FHIT: variants seen among roughly 807,000 people sequenced by gnomAD.
The protein encoded by FHIT is fragile histidine triad diadenosine triphosphatase.
In FHIT, 19 loss-of-function variants were observed where a neutral mutation model predicts 17.9. That is an observed-to-expected ratio of 1.06 (90% CI 0.74 to 1.56). The LOEUF (loss-of-function observed/expected upper bound fraction) is 1.56, where lower values mean the gene tolerates loss of function less well. Ranked by LOEUF, FHIT falls within the 40% of genes most tolerant of loss-of-function variation. The probability of loss-of-function intolerance (pLI) is 0.00; values close to 1 mark genes in which losing one functional copy is unlikely to be tolerated. For synonymous variants in FHIT, 81 were observed against 69.7 expected, an observed-to-expected ratio of 1.16 and a Z score of -0.81; for missense variants, 248 against 189.2, an observed-to-expected ratio of 1.31 and a Z score of -1.82.
At chr3:61,065,251 T>G (rs1410038175) in intron 2 of FHIT, among the ~76,000 whole-genome samples, 5 of 143,014 alleles carry the variant, frequency 3.5e-5, no homozygotes, top group African/African-American at 1.3e-4. Flanking sequence ...GGGGCTTCTA[T>G]CTCACGAGTC....
At chr3:60,362,361 T>A (rs112052066) in intron 5 of FHIT, among the ~76,000 whole-genome samples, 3,273 of 152,330 alleles carry the variant, frequency 0.021, 97 homozygotes, top group African/African-American at 0.069. Flanking sequence ...AGCTAAAAGC[T>A]TATCAAACAT....
intron 5 of FHIT, among the ~76,000 whole-genome samples, chr3:60,529,403 T>C (rs2035689114): frequency 6.6e-6 from 1 of 152,304 alleles, no homozygotes; most frequent in South Asian, 2.1e-4. Context: ...AGTTTTGATA[T>C]GTGCATGAAA....
chr3:60,253,581 G>C (rs546383832), intron 5 of FHIT, among the ~76,000 whole-genome samples: 1 of 152,248 alleles, frequency 6.6e-6, no homozygotes, highest in East Asian at 1.9e-4. Context: ...TTTCTCATTT[G>C]TATTCTCCTA....
chr3:60,648,634 T>C (rs1446790417), intron 4 of FHIT, among the ~76,000 whole-genome samples: 2 of 152,222 alleles, frequency 1.3e-5, no homozygotes, highest in African/African-American at 4.8e-5. Context: ...CACCTGTTAC[T>C]TGATGAAGCA....
intron 8 of FHIT, among the ~76,000 whole-genome samples, chr3:59,844,348 A>T (rs1408943539): frequency 6.6e-6 from 1 of 152,098 alleles, no homozygotes; most frequent in Non-Finnish European, 1.5e-5. Context: ...AAGTGGTGAA[A>T]ATGGGCATAC....
chr3:60,596,861 T>C (rs909654725), intron 4 of FHIT, among the ~76,000 whole-genome samples: 1 of 152,162 alleles, frequency 6.6e-6, no homozygotes, highest in Non-Finnish European at 1.5e-5. Flanking sequence ...ATGAACCTAA[T>C]AATGTGAAGA....
rs1017570967 is a variant in FHIT, at chr3:59,952,074, T to C, written c.280-29660A>G. Among the ~76,000 whole-genome samples, 5 of 152,162 alleles carry C rather than the reference T, an allele frequency of 3.3e-5. No individual in the cohort carries two copies. The East Asian group carries it at 9.6e-4, about 29-fold the overall frequency. On this transcript the variant is annotated intron_variant, in intron 7 of 9. Transcript: ENST00000492590. ...GCACCTAAAGGGGTACTGAGAATGG[T>C]CCCTCCCACAGCTTTGACTGAAAGT...
intron 7 of FHIT, among the ~76,000 whole-genome samples, chr3:59,925,306 A>G (rs1042620060): frequency 3.3e-5 from 5 of 151,990 alleles, no homozygotes; most frequent in Non-Finnish European, 5.9e-5. Context: ...AGTTCTCACT[A>G]TGTTGCCCAG....
chr3:60,162,338 G>A (rs1264130845), intron 5 of FHIT, among the ~76,000 whole-genome samples: 1 of 152,078 alleles, frequency 6.6e-6, no homozygotes, highest in Admixed American at 6.6e-5. Flanking sequence ...GCCTATTTAA[G>A]TCCTTTATTA....
intron 5 of FHIT, among the ~76,000 whole-genome samples, chr3:60,213,832 A>C (rs1411910131): frequency 2.0e-5 from 3 of 152,224 alleles, no homozygotes; most frequent in African/African-American, 7.2e-5. Flanking sequence ...CAGGAGCATA[A>C]GAGGAACAAG....
intron 5 of FHIT, among the ~76,000 whole-genome samples, chr3:60,199,170 T>G (rs1034876198): frequency 6.6e-6 from 1 of 152,156 alleles, no homozygotes; most frequent in Admixed American, 6.6e-5. Context: ...GGACAAAAGT[T>G]GGTCTTTTAT....
At chr3:61,191,913 C>T (rs1056817377) in intron 2 of FHIT, among the ~76,000 whole-genome samples, 2 of 152,100 alleles carry the variant, frequency 1.3e-5, no homozygotes, top group African/African-American at 2.4e-5. Flanking sequence ...CCCCATTCCG[C>T]GTGCCAGTGT....
chr3:61,001,325 C>T (rs576325280), intron 3 of FHIT, among the ~76,000 whole-genome samples: 4 of 152,078 alleles, frequency 2.6e-5, no homozygotes, highest in South Asian at 2.1e-4. Flanking sequence ...CACAGAGAAA[C>T]GAAAACTCAT....
chr3:60,087,675 T>G (rs144388484), intron 5 of FHIT, among the ~76,000 whole-genome samples: 249 of 152,290 alleles, frequency 1.6e-3, no homozygotes, highest in African/African-American at 5.4e-3. Context: ...GCAGCCAAGT[T>G]ATTTGCTACT....
At chr3:61,032,792 T>C (rs1018482253) in intron 3 of FHIT, among the ~76,000 whole-genome samples, 3 of 152,142 alleles carry the variant, frequency 2.0e-5, no homozygotes, top group Admixed American at 2.0e-4. Flanking sequence ...AGAGATTTAT[T>C]GTGAGGGATT....
intron 7 of FHIT, among the ~76,000 whole-genome samples, chr3:60,003,619 C>G (rs944967476): frequency 5.3e-5 from 8 of 152,050 alleles, no homozygotes; most frequent in Non-Finnish European, 1.0e-4. Flanking sequence ...GTGGCTCGGG[C>G]CTGTAGTCCT....
intron 7 of FHIT, among the ~76,000 whole-genome samples, chr3:59,955,979 G>C (rs966498435): frequency 3.3e-5 from 5 of 152,100 alleles, no homozygotes; most frequent in South Asian, 2.1e-4. Context: ...GCTTCCTCTT[G>C]TTCATAGAAT....
At chr3:59,833,766 A>G (rs1701245261) in intron 8 of FHIT, among the ~76,000 whole-genome samples, 1 of 152,104 alleles carries the variant, frequency 6.6e-6, no homozygotes. Flanking sequence ...TAATCTCCAC[A>G]TGTTGAGGGA....
At chr3:60,359,276 T>C (rs1214133057) in intron 5 of FHIT, among the ~76,000 whole-genome samples, 1 of 143,606 alleles carries the variant, frequency 7.0e-6, no homozygotes, top group African/African-American at 2.6e-5. Flanking sequence ...TATGAAAATA[T>C]CTTTTTTTTT....
Sources: allele counts gnomAD v4.1 joint callset (sites outside exome capture counted in the v4.1 genomes callset), GRCh38; gene constraint gnomAD v4.1.1; transcripts MANE v1.5; gene names NCBI Gene and HGNC (gene_info 2026-07-23, HGNC 2026-07-21).